HSD11B2: variants seen among roughly 807,000 people sequenced by gnomAD.
HSD11B2 encodes 11-beta-hydroxysteroid dehydrogenase type 2.
A neutral mutation model predicts 20.9 loss-of-function variants in HSD11B2; 17 were observed. The observed-to-expected ratio is 0.81, with a 90% CI of 0.56 to 1.22. HSD11B2 has a LOEUF of 1.22. Ranked by LOEUF, HSD11B2 falls within the 50% of genes most tolerant of loss-of-function variation. The pLI is 0.00. For synonymous variants in HSD11B2, 253 were observed against 255.4 expected (o/e 0.99, Z 0.09); for missense variants, 480 against 563.6 (o/e 0.85, Z 1.50).
chr16:67,436,601 C>T lies in HSD11B2; in HGVS notation c.816C>T (p.Asn272=), dbSNP rs774231564. ...PGCFKTESVR[N]VGQWEKRKQL... is the part of the protein sequence containing the mutation. ...CTCCTTCCCCAGAGTCAGTGAGAAA[C>T]GTGGGTCAGTGGGAAAAGCGCAAGC... Residue 272 remains asparagine, a synonymous_variant, in exon 5 of 5, where the codon AAC becomes AAT. Transcript: ENST00000326152. The surrounding 1 kb of genome is among the most constrained non-coding windows in gnomAD (Gnocchi z 5.7). The T allele has an allele frequency of 2.6e-5, 42 of 1,614,034 alleles. No homozygotes were observed. In the East Asian group the frequency reaches 3.3e-4, roughly 13 times the overall value.
chr16:67,437,003 A>G lies in HSD11B2; in HGVS notation c.1218A>G (p.Ter406TrpextTer16), dbSNP rs1597563759. The change falls in exon 5 of 5, where the codon TGA becomes TGG. Residue 406 changes from the stop codon to tryptophan, a stop_lost. Transcript: ENST00000326152. Reference sequence around the variant, plus strand: ...GCCCTTCCCCAGCAGTGGCTCGGTGAGCCATGTGCACCTATGGCCCAGCCA... The same window carrying G: ...GCCCTTCCCCAGCAGTGGCTCGGTGGGCCATGTGCACCTATGGCCCAGCCA... ...SPGPSPAVAR[*>W] The G allele has an allele frequency of 6.2e-7, 1 of 1,606,906 alleles. No individual in the cohort carries two copies. Among genetic ancestry groups the G allele is most frequent in the Non-Finnish European group, 8.5e-7 (1 of 1,179,764 alleles).
intron 1 of HSD11B2, among the ~76,000 whole-genome samples, chr16:67,434,311 C>T (rs1253374100): frequency 6.6e-6 from 1 of 152,136 alleles, no homozygotes; most frequent in Non-Finnish European, 1.5e-5. Flanking sequence ...GGATGGGCCT[C>T]CAGCTTGCCT....
At position 67,437,209 on chromosome 16, in the gene HSD11B2, T is replaced by C. The variant is rs1463719779; in HGVS notation, c.*206T>C. On this transcript the variant is annotated 3_prime_UTR_variant, in exon 5 of 5. Coordinates refer to ENST00000326152, the MANE Select transcript of HSD11B2 (RefSeq NM_000196.4). Reference sequence around the variant, plus strand: ...CCAGTGAGCCTCTGCGCCTCTCCACTGTTTCATGAGCCCAAACACCCTCCT... The same window carrying C: ...CCAGTGAGCCTCTGCGCCTCTCCACCGTTTCATGAGCCCAAACACCCTCCT... The C allele has an allele frequency of 1.6e-6, 1 of 610,736 alleles. No individual in the cohort carries two copies. Among genetic ancestry groups the C allele is most frequent in the Non-Finnish European group, 2.9e-6 (1 of 346,184 alleles). 37.8% of individuals were successfully genotyped at this position (610,736 alleles called of 1,614,324 possible). A position where few individuals can be genotyped will look rare whatever the true frequency, so the allele number is the denominator to read the frequency against.
chr16:67,431,460 G>A lies in HSD11B2; in HGVS notation c.212G>A (p.Arg71His). The A allele has an allele frequency of 7.2e-7, 1 of 1,389,410 alleles. No homozygotes were observed. The highest frequency in any genetic ancestry group is 9.3e-7 in the Non-Finnish European group (1 of 1,069,534). 86.1% of individuals were successfully genotyped at this position (1,389,410 alleles called of 1,614,324 possible). Residue 71 changes from arginine to histidine, a missense_variant, in exon 1 of 5, where the codon CGC becomes CAC. Around this residue, in one of 2 missense-constraint regions of HSD11B2, gnomAD observed 374 missense variants for 480.9 expected, o/e 0.78. Transcript: ENST00000326152. ...LAAAGWIALS[R>H]LARPQRLPVA... ...GCCGCCGGCTGGATCGCGTTGTCCC[G>A]CCTGGCGCGCCCGCAGCGCCTGCCG...
chr16:67,436,883 C>T lies in HSD11B2; in HGVS notation c.1098C>T (p.Phe366=), dbSNP rs2040980321. 1 of 1,613,582 alleles carries T rather than the reference C, an allele frequency of 6.2e-7. No homozygotes were observed. Among genetic ancestry groups the T allele is most frequent in the South Asian group, 1.1e-5 (1 of 91,092 alleles). Residue 366 remains phenylalanine (F), a synonymous_variant, in exon 5 of 5, where the codon TTC becomes TTT. Coordinates refer to ENST00000326152, the MANE Select transcript of HSD11B2 (RefSeq NM_000196.4). This position sits in a 1 kb window ranked among gnomAD's most constrained non-coding sequence, Gnocchi z 5.7. Reference sequence around the variant, plus strand: ...TGCGGCGCCGCTTCCTGCAGGCCTTCTTCATCAGTCACTGTCTGCCTCGAG... The same window carrying T: ...TGCGGCGCCGCTTCCTGCAGGCCTTTTTCATCAGTCACTGTCTGCCTCGAG... ...EGLRRRFLQA[F]FISHCLPRAL...
rs751251970 is a variant in HSD11B2 at position 67,436,400 on chromosome 16, C to A, written c.802+14C>A. On this transcript the variant is annotated intron_variant, in intron 4 of 4. Transcript: ENST00000326152. This position sits in a 1 kb window ranked among gnomAD's most constrained non-coding sequence, Gnocchi z 5.7. Reference sequence around the variant, plus strand: ...GCTTCAAGACAGGTGGGAATCAGGGCTGGGGGTGGGGTGGGGGTGGGGAAT... The same window carrying A: ...GCTTCAAGACAGGTGGGAATCAGGGATGGGGGTGGGGTGGGGGTGGGGAAT... 7.1e-5 allele frequency: 14 copies of A among 197,046 alleles called. 1 individual carries two copies. The highest frequency in any genetic ancestry group is 1.4e-4 in the Admixed American group (2 of 14,276). The allele number at this position is 197,046 out of a possible 1,614,324, so 12.2% of individuals were successfully genotyped here.
chr16:67,430,242 G>A (rs2142283460), upstream of HSD11B2, among the ~76,000 whole-genome samples: 1 of 152,282 alleles, frequency 6.6e-6, no homozygotes. This position sits in a 1 kb window ranked among gnomAD's most constrained non-coding sequence, Gnocchi z 5.4. Context: ...CCCCCTGGGG[G>A]TTCAGGGGAG....
At chr16:67,432,963 G>A (rs2040944228) in intron 1 of HSD11B2, 1 of 152,212 alleles carries the variant, frequency 6.6e-6, no homozygotes, top group Non-Finnish European at 1.5e-5. Flanking sequence ...TTATTTGTGA[G>A]CCACCTCAAC....
chr16:67,433,723 CACACAT>C (rs58877700), intron 1 of HSD11B2, among the ~76,000 whole-genome samples: 10,393 of 133,962 alleles, frequency 0.078, 742 homozygotes, highest in African/African-American at 0.28. Context: ...CACACACACA[CACACAT>C]ATGCTTGCCT....
intron 1 of HSD11B2, chr16:67,432,980 C>G (rs1597561038): frequency 6.6e-6 from 1 of 152,262 alleles, no homozygotes; most frequent in East Asian, 1.9e-4. Context: ...CAACAGGACC[C>G]AGGCCATCTG....
At chr16:67,434,728 T>A (rs954931956) in intron 1 of HSD11B2, among the ~76,000 whole-genome samples, 2 of 151,484 alleles carry the variant, frequency 1.3e-5, no homozygotes, top group African/African-American at 2.4e-5. Context: ...TCCAAAAAAA[T>A]TTAAAAACCA....
rs750889664 is a variant in HSD11B2 at position 67,436,870 on chromosome 16, T to G, written c.1085T>G (p.Phe362Cys). 28 of 1,613,476 alleles carry G rather than the reference T, an allele frequency of 1.7e-5. No individual in the cohort carries two copies. Among genetic ancestry groups the G allele is most frequent in the Non-Finnish European group, 2.2e-5 (26 of 1,180,018 alleles). Reference protein sequence around the residue: ...YYLPEGLRRRFLQAFFISHCL... With the variant: ...YYLPEGLRRRCLQAFFISHCL... ...CTGCCTGAAGGCCTGCGGCGCCGCT[T>G]CCTGCAGGCCTTCTTCATCAGTCAC... is the stretch of plus-strand genomic sequence containing the variant. The change falls in exon 5 of 5, where the codon TTC becomes TGC. Residue 362 changes from phenylalanine (F) to cysteine (C), a missense_variant. Transcript: ENST00000326152. The surrounding 1 kb of genome is among the most constrained non-coding windows in gnomAD (Gnocchi z 5.7).
intron 1 of HSD11B2, among the ~76,000 whole-genome samples, chr16:67,433,687 TACACACACACACACACACACACACAC>T (rs759945497): frequency 7.5e-6 from 1 of 133,866 alleles, no homozygotes. Flanking sequence ...TGTGTGTGTC[TACACACACACACACACACACACACAC>T]ACACACACAC....
In HSD11B2 at chr16:67,431,523, C is replaced by T; in HGVS notation, c.265+10C>T. The stretch of plus-strand genomic sequence containing the variant: ...GCGGTGCTCATCACCGGTGAGTGCG[C>T]GGGTCGCGGAGCGCGGGGACTCCAG... On this transcript the variant is annotated intron_variant, in intron 1 of 4. Coordinates refer to ENST00000326152, the MANE Select transcript of HSD11B2 (RefSeq NM_000196.4). The T allele has an allele frequency of 2.2e-6, 3 of 1,372,462 alleles. No homozygotes were observed. Among genetic ancestry groups the T allele is most frequent in the South Asian group, 1.7e-5 (1 of 60,074 alleles). 85.0% of individuals were successfully genotyped at this position (1,372,462 alleles called of 1,614,324 possible).
At chr16:67,432,608 G>A (rs1435430520) in intron 1 of HSD11B2, 1 of 152,288 alleles carries the variant, frequency 6.6e-6, no homozygotes, top group Non-Finnish European at 1.5e-5. Context: ...TAAGGCAGGA[G>A]TACACACGGT....
Position 67,436,863 on chromosome 16 carries a change from C to CCTTCTTCAG in HSD11B2, c.1078_1079insCTTCTTCAG (p.Arg360delinsProSerSerGly). 6.2e-7 allele frequency: 1 copy of CCTTCTTCAG among 1,613,572 alleles called. No homozygotes were observed. Among genetic ancestry groups the CCTTCTTCAG allele is most frequent in the Non-Finnish European group, 8.5e-7 (1 of 1,180,020 alleles). ...CTACTACCTGCCTGAAGGCCTGCGG[C>CCTTCTTCAG]GCCGCTTCCTGCAGGCCTTCTTCAT... On this transcript the variant is annotated protein_altering_variant, in exon 5 of 5. Transcript: ENST00000326152. This position sits in a 1 kb window ranked among gnomAD's most constrained non-coding sequence, Gnocchi z 5.7.
rs1191602978 is a variant in HSD11B2 at position 67,436,889 on chromosome 16, C to T, written c.1104C>T (p.Ile368=). ...GCCGCTTCCTGCAGGCCTTCTTCAT[C>T]AGTCACTGTCTGCCTCGAGCACTGC... The part of the protein sequence containing the change: ...LRRRFLQAFF[I]SHCLPRALQP... The change falls in exon 5 of 5, where the codon ATC becomes ATT. Residue 368 remains isoleucine (I), a synonymous_variant. Coordinates refer to ENST00000326152, the MANE Select transcript of HSD11B2 (RefSeq NM_000196.4). This position sits in a 1 kb window ranked among gnomAD's most constrained non-coding sequence, Gnocchi z 5.7. 3 of 1,613,490 alleles carry T rather than the reference C, an allele frequency of 1.9e-6. No individual in the cohort carries two copies. The highest frequency in any genetic ancestry group is 2.5e-6 in the Non-Finnish European group (3 of 1,180,018).
At chr16:67,435,202 CAAAAAA>C (rs61663548) in intron 1 of HSD11B2, among the ~76,000 whole-genome samples, 1 of 63,086 alleles carries the variant, frequency 1.6e-5, no homozygotes. Context: ...GACCCTGTCT[CAAAAAA>C]AAAAAAAAAA....
Position 67,437,278 on chromosome 16 carries a change from G to A in HSD11B2, c.*275G>A. 3.5e-6 allele frequency: 2 copies of A among 565,070 alleles called. No individual in the cohort carries two copies. Among genetic ancestry groups the A allele is most frequent in the Non-Finnish European group, 6.3e-6 (2 of 316,444 alleles). 35.0% of individuals were successfully genotyped at this position (565,070 alleles called of 1,614,324 possible). A position where few individuals can be genotyped will look rare whatever the true frequency, so the allele number is the denominator to read the frequency against. The stretch of plus-strand genomic sequence containing the variant: ...GCAGCTTGGAGAACTCCGCTGGATG[G>A]GGAGTCTCATGCAAGACTTCACTGC... On this transcript the variant is annotated 3_prime_UTR_variant, in exon 5 of 5. Transcript: ENST00000326152.
Sources: gnomAD v4.1 joint callset for allele counts (sites outside exome capture counted in the v4.1 genomes callset) on GRCh38, gnomAD v4.1.1 for gene constraint, gnomAD v4.1.1 regional missense constraint, Gnocchi (gnomAD v3.1) non-coding constraint, MANE v1.5 for transcripts, NCBI Gene and HGNC (gene_info 2026-07-23, HGNC 2026-07-21) for gene names.